The following BPIFB3 variants were observed in gnomAD, a reference collection of about 807,000 sequenced individuals.
BPIFB3 encodes BPI fold containing family B member 3, also known as BPI fold-containing family B member 3.
In BPIFB3, 49 loss-of-function variants were observed where a neutral mutation model predicts 53.1. The observed-to-expected ratio is 0.92, with a 90% CI of 0.73 to 1.17. The LOEUF (loss-of-function observed/expected upper bound fraction) is 1.17, where lower values mean the gene tolerates loss of function less well. Among genes scored for constraint, BPIFB3 ranks in the 50% most tolerant of loss-of-function variants. BPIFB3 has a pLI of 0.00. For missense variants in BPIFB3, 628 were observed against 592.5 expected (o/e 1.06, Z -0.62); for synonymous variants, 271 against 269.6 (o/e 1.01, Z -0.05).
chr20:33,066,700 A>G, intron 8 of BPIFB3, 124 bp from the exon 10 acceptor site: 1 of 859,630 alleles, frequency 1.2e-6, no homozygotes, highest in Non-Finnish European at 1.9e-6. Context: ...GAGTGTTTGT[A>G]GTGATATATG....
In BPIFB3 at chr20:33,062,457, G is replaced by A. The variant is rs576328499; in HGVS notation, c.591+626G>A. Among the ~76,000 whole-genome samples the A allele has an allele frequency of 3.3e-5, 5 of 152,282 alleles. No individual in the cohort carries two copies. In the East Asian group the frequency reaches 7.7e-4, roughly 24 times the overall value. ...TGCTGGGGGCAGCAGAAGAATGGGA[G>A]CCTAGGGTTGGCAAAACTGCCCTGG... On this transcript the variant is annotated intron_variant, in intron 5 of 14. Coordinates refer to ENST00000375494, the Ensembl canonical transcript of BPIFB3.
chr20:33,063,369 A>G (rs1980531240), intron 5 of BPIFB3, among the ~76,000 whole-genome samples: 1 of 152,046 alleles, frequency 6.6e-6, no homozygotes, highest in Admixed American at 6.5e-5. Flanking sequence ...AGCCACCTTT[A>G]GGGGTTTTCT....
rs949161495 is a variant in BPIFB3 at position 33,056,439 on chromosome 20, T to G, written c.125-103T>G. On this transcript the variant is annotated intron_variant, in intron 1 of 14. Transcript: ENST00000375494. ...TGTAACCTCTGGGTTAATTCCATTT[T>G]TAAAAAGAAGCCTACTCAATCTCAG... 1.7e-5 allele frequency: 24 copies of G among 1,438,856 alleles called. No homozygotes were observed. The African/African-American group carries it at 2.8e-4, about 17-fold the overall frequency. 89.1% of individuals were successfully genotyped at this position (1,438,856 alleles called of 1,614,324 possible). A position where few individuals can be genotyped will look rare whatever the true frequency, so the allele number is the denominator to read the frequency against.
chr20:33,055,370 A>T (rs1460615546), upstream of BPIFB3: 12 of 1,597,932 alleles, frequency 7.5e-6, no homozygotes, highest in African/African-American at 1.3e-5. Context: ...CAGAGAGGGG[A>T]AAGGCTTGAG....
chr20:33,070,419 G>T (rs1980837218), intron 11 of BPIFB3, among the ~76,000 whole-genome samples: 1 of 151,906 alleles, frequency 6.6e-6, no homozygotes, highest in Non-Finnish European at 1.5e-5. Context: ...TGGTGTTGGT[G>T]ACAGTCCTTC....
At chr20:33,069,934 A>C (rs1430837990) in exon 11 of BPIFB3, 1 of 1,614,188 alleles carries the variant, frequency 6.2e-7, no homozygotes, top group Non-Finnish European at 8.5e-7. Flanking sequence ...ACCAAGCTGC[A>C]CATCTCCCTG....
upstream of BPIFB3, among the ~76,000 whole-genome samples, chr20:33,054,869 G>T (rs918049674): frequency 2.6e-5 from 4 of 152,218 alleles, no homozygotes; most frequent in Non-Finnish European, 4.4e-5. Context: ...GTGGAGGTGG[G>T]GGAAGGAGAA....
At chr20:33,060,752 A>G in intron 4 of BPIFB3, among the ~76,000 whole-genome samples, 1 of 151,930 alleles carries the variant, frequency 6.6e-6, no homozygotes, top group Non-Finnish European at 1.5e-5. Context: ...TTTAATAGAG[A>G]CGGGGTTTCA....
chr20:33,055,959 G>A (rs1980184649), intron 1 of BPIFB3, among the ~76,000 whole-genome samples: 1 of 152,174 alleles, frequency 6.6e-6, no homozygotes, highest in East Asian at 1.9e-4. Flanking sequence ...AGAGTAGATT[G>A]GTCATGAGCA....
At chr20:33,064,695 C>A in exon 8 of BPIFB3, 2 of 1,614,018 alleles carry the variant, frequency 1.2e-6, no homozygotes, top group South Asian at 1.1e-5. Flanking sequence ...CTGGTGATAT[C>A]ATTGACTTCC....
At chr20:33,055,682 G>A (rs967442930) in intron 1 of BPIFB3, 135 bp downstream of exon 2, 85 of 1,312,374 alleles carry the variant, frequency 6.5e-5, no homozygotes, top group Middle Eastern at 4.3e-4. Flanking sequence ...ACATTCTCCT[G>A]GGAGTAGCTG....
exon 1 of BPIFB3, chr20:33,055,484 T>A: frequency 1.2e-6 from 2 of 1,613,800 alleles, no homozygotes; most frequent in Non-Finnish European, 1.7e-6. Context: ...GGCGACTCCA[T>A]GCCAGGAGCT....
chr20:33,060,272 G>A (rs1980397674), intron 4 of BPIFB3, among the ~76,000 whole-genome samples: 1 of 152,196 alleles, frequency 6.6e-6, no homozygotes, highest in South Asian at 2.1e-4. Context: ...CTCTAGTCTG[G>A]TTCACGGGAT....
At position 33,057,281 on chromosome 20, in the gene BPIFB3, C is replaced by T. The variant is rs147113431; in HGVS notation, c.281+583C>T. ...TCGGCTCACTGCAACCTCCGCTTCC[C>T]GGGTTCAAGCGATTCTCCTGCCTCA... On this transcript the variant is annotated intron_variant, in intron 2 of 14. Coordinates refer to ENST00000375494, the Ensembl canonical transcript of BPIFB3. Among the ~76,000 whole-genome samples, 89 of 152,140 alleles carry T rather than the reference C, an allele frequency of 5.8e-4. No individual in the cohort carries two copies. The East Asian group carries it at 0.014, about 23-fold the overall frequency.
At chr20:33,073,743 T>C, downstream of BPIFB3, 1 of 1,003,022 alleles carries the variant, frequency 1.0e-6, no homozygotes, top group South Asian at 1.6e-5. Flanking sequence ...TACTCCAAGT[T>C]TGGGGTGGGA....
rs1366363624 is a variant in BPIFB3, at chr20:33,066,848, A to G, written c.949A>G (p.Thr317Ala). ...GGTTCCCAGCGATGTCCCACTGACA[A>G]CTACAGACCTGGCAGCTTTGCTCCC... is the stretch of plus-strand genomic sequence containing the variant. Residue 317 changes from threonine (T) to alanine (A), a missense_variant, in exon 9 of 15, where the codon ACT (threonine) becomes GCT (alanine). Thr to Ala is a moderately conservative substitution (Grantham distance 58). Coordinates refer to ENST00000375494, the Ensembl canonical transcript of BPIFB3. 6.2e-7 allele frequency: 1 copy of G among 1,614,154 alleles called. No individual in the cohort carries two copies. Among genetic ancestry groups the G allele is most frequent in the Non-Finnish European group, 8.5e-7 (1 of 1,180,024 alleles).
rs151032238 is a variant in BPIFB3, at chr20:33,069,946, C to A, written c.1208C>A (p.Ser403Tyr). 5.2e-5 allele frequency: 84 copies of A among 1,614,076 alleles called. No individual in the cohort carries two copies. The highest frequency in any genetic ancestry group is 6.7e-5 in the Non-Finnish European group (79 of 1,180,028). ...GCTACCAAGCTGCACATCTCCCTGT[C>A]CCTGGAACGGTAACTTGGGATCCTG... Residue 403 changes from serine to tyrosine, a missense_variant, in exon 11 of 15, where the codon TCC (serine) becomes TAC (tyrosine). By Grantham distance (144) the Ser-to-Tyr change is moderately radical (BLOSUM62 -2). Coordinates refer to ENST00000375494, the Ensembl canonical transcript of BPIFB3.
intron 14 of BPIFB3, among the ~76,000 whole-genome samples, chr20:33,073,309 C>A (rs1352761836): frequency 6.6e-6 from 1 of 152,142 alleles, no homozygotes; most frequent in East Asian, 1.9e-4. Flanking sequence ...CAGATGAGGA[C>A]CAAGGCTGAA....
At chr20:33,058,975 C>G (rs116987244) in intron 2 of BPIFB3, among the ~76,000 whole-genome samples, 2 of 152,070 alleles carry the variant, frequency 1.3e-5, no homozygotes, top group African/African-American at 4.8e-5. Flanking sequence ...AGAACCCACT[C>G]GGGTTGCATT....
Sources: allele counts gnomAD v4.1 joint callset (sites outside exome capture counted in the v4.1 genomes callset), GRCh38; gene constraint gnomAD v4.1.1; transcripts MANE v1.5; gene names NCBI Gene and HGNC (gene_info 2026-07-23, HGNC 2026-07-21).